RAD21L1: variants seen among roughly 807,000 people sequenced by gnomAD.
RAD21L1 encodes RAD21 cohesin complex component like 1.
Under a neutral mutation model 69.0 loss-of-function variants are expected in RAD21L1, and 47 were observed. The observed-to-expected ratio is 0.68, with a 90% CI of 0.54 to 0.87. The LOEUF is 0.87. RAD21L1 is among the 40% of genes least tolerant of loss of function. The probability of loss-of-function intolerance (pLI) is 0.00; values close to 1 mark genes in which losing one functional copy is unlikely to be tolerated. For missense variants in RAD21L1, 583 were observed against 647.6 expected (o/e 0.90, Z 1.08); for synonymous variants, 177 against 205.8 (o/e 0.86, Z 1.20).
intron 1 of RAD21L1, among the ~76,000 whole-genome samples, chr20:1,226,630 C>A (rs2087268045): frequency 6.6e-6 from 1 of 151,902 alleles, no homozygotes; most frequent in South Asian, 2.1e-4. Context: ...GCTCCCTCCC[C>A]GCCACCGCCG....
At chr20:1,248,249 G>A (rs928320127) in intron 12 of RAD21L1, among the ~76,000 whole-genome samples, 6 of 152,046 alleles carry the variant, frequency 3.9e-5, no homozygotes, top group Admixed American at 1.3e-4. Context: ...ATAGCTGTAT[G>A]TTTACTCCTG....
chr20:1,242,531 C>A, intron 8 of RAD21L1, 88 bp from the exon 9 acceptor site: 1 of 1,044,612 alleles, frequency 9.6e-7, no homozygotes, highest in Non-Finnish European at 1.4e-6. Flanking sequence ...CCGTGCCTGG[C>A]TTAGAAATTT....
chr20:1,231,173 G>A (rs1280205666), intron 3 of RAD21L1, among the ~76,000 whole-genome samples: 2 of 152,190 alleles, frequency 1.3e-5, no homozygotes, highest in African/African-American at 4.8e-5. Context: ...TCTTGAGGTG[G>A]AAAAATGCTT....
chr20:1,252,315 A>C (rs1162747669), intron 13 of RAD21L1, among the ~76,000 whole-genome samples: 1 of 152,122 alleles, frequency 6.6e-6, no homozygotes, highest in Non-Finnish European at 1.5e-5. Flanking sequence ...GGGGTTGTAG[A>C]CTTATGGTCT....
At chr20:1,241,870 GA>G (rs951025780) in intron 8 of RAD21L1, among the ~76,000 whole-genome samples, 1 of 152,178 alleles carries the variant, frequency 6.6e-6, no homozygotes, top group African/African-American at 2.4e-5. Flanking sequence ...CTTTACTAAA[GA>G]AAAGCTTGAC....
rs192767989 is a variant in RAD21L1 at position 1,234,260 on chromosome 20, A to G, written c.475+69A>G. The G allele has an allele frequency of 7.9e-4, 577 of 731,336 alleles. 3 individuals carry two copies. In the African/African-American group the frequency reaches 9.0e-3, roughly 11 times the overall value. The allele number at this position is 731,336 out of a possible 1,614,324, so 45.3% of individuals were successfully genotyped here. A position where few individuals can be genotyped will look rare whatever the true frequency, so the allele number is the denominator to read the frequency against. On this transcript the variant is annotated intron_variant, in intron 5 of 13. Coordinates refer to ENST00000683101, the MANE Select transcript of RAD21L1 (RefSeq NM_001384355.1). ...ATATTTGTATTTGTGTATTGAAATAATGCCAGTAGACGTAGCTATAGAATG... is the reference window on the plus strand; with the variant it reads ...ATATTTGTATTTGTGTATTGAAATAGTGCCAGTAGACGTAGCTATAGAATG...
chr20:1,253,506 A>T (rs1197714995), intron 13 of RAD21L1, among the ~76,000 whole-genome samples: 3 of 152,192 alleles, frequency 2.0e-5, no homozygotes, highest in Non-Finnish European at 2.9e-5. Context: ...CATGTTTGCC[A>T]GACTGGTCTC....
rs1320258222 is a variant in RAD21L1, at chr20:1,242,828, C to G, written c.1066C>G (p.His356Asp). The change falls in exon 9 of 14, where the codon CAT (histidine) becomes GAT (aspartate). Residue 356 changes from histidine (H) to aspartate (D), a missense_variant. Physicochemically the swap from His to Asp is moderately conservative, Grantham distance 81. Transcript: ENST00000683101. ...LLSTAAQDLI[H>D]AELKMLFTKC... ...GTCAACTGCTGCCCAGGATTTGATT[C>G]ATGCTGAACTGAAAATGGTAACGGT... 1.4e-5 allele frequency: 22 copies of G among 1,550,450 alleles called. No homozygotes were observed. The highest frequency in any genetic ancestry group is 1.9e-5 in the Non-Finnish European group (22 of 1,145,956).
chr20:1,244,310 AG>A, intron 11 of RAD21L1, 140 bp downstream of exon 11: 1 of 622,238 alleles, frequency 1.6e-6, no homozygotes, highest in Non-Finnish European at 2.6e-6. Flanking sequence ...TTTAGTAAGT[AG>A]CAGGGTAAAA....
At chr20:1,229,673 TA>T (rs753949513) in intron 2 of RAD21L1, among the ~76,000 whole-genome samples, 5 of 152,356 alleles carry the variant, frequency 3.3e-5, no homozygotes, top group Admixed American at 6.5e-5. Context: ...TAGTATACTT[TA>T]CTTAAATGCC....
intron 3 of RAD21L1, 77 bp downstream of exon 3, chr20:1,230,086 C>T: frequency 2.7e-6 from 3 of 1,105,354 alleles, no homozygotes; most frequent in Non-Finnish European, 3.9e-6. Context: ...TTTTAATATA[C>T]TTCAGGCTAG....
intron 2 of RAD21L1, 57 bp from the exon 3 acceptor site, chr20:1,229,823 G>T: frequency 3.0e-6 from 4 of 1,325,902 alleles, no homozygotes; most frequent in Admixed American, 4.6e-5. Flanking sequence ...AACTTTCAAA[G>T]AATAGGATTT....
At chr20:1,239,665 A>AT (rs2087567350) in intron 7 of RAD21L1, among the ~76,000 whole-genome samples, 1 of 152,212 alleles carries the variant, frequency 6.6e-6, no homozygotes, top group African/African-American at 2.4e-5. Flanking sequence ...TTAAAATAGT[A>AT]TATGGTAAAT....
intron 8 of RAD21L1, among the ~76,000 whole-genome samples, chr20:1,240,920 G>A (rs1012206522): frequency 1.3e-5 from 2 of 152,194 alleles, no homozygotes; most frequent in Admixed American, 1.3e-4. Context: ...CAGTTACGGT[G>A]CTAGAGCTGT....
At chr20:1,228,893 C>T (rs1377031989) in intron 2 of RAD21L1, among the ~76,000 whole-genome samples, 3 of 152,054 alleles carry the variant, frequency 2.0e-5, no homozygotes, top group African/African-American at 7.3e-5. Context: ...ATAGTAAGTA[C>T]TTAATAAGCA....
Position 1,254,268 on chromosome 20 carries a change from G to A in RAD21L1, c.1480-1G>A, listed in dbSNP as rs1400600681. 2 of 1,472,964 alleles carry A rather than the reference G, an allele frequency of 1.4e-6. No homozygotes were observed. The highest frequency in any genetic ancestry group is 2.5e-5 in the East Asian group (1 of 39,382). 91.2% of individuals were successfully genotyped at this position (1,472,964 alleles called of 1,614,324 possible). Reference sequence around the variant, plus strand: ...TTTTTCTTTTCTAATTATTTTCCCAGGAATCTAACAAGATGGGAATGCAGT... The same window carrying A: ...TTTTTCTTTTCTAATTATTTTCCCAAGAATCTAACAAGATGGGAATGCAGT... On this transcript the variant is annotated splice_acceptor_variant, in intron 13 of 13. Coordinates refer to ENST00000683101, the MANE Select transcript of RAD21L1 (RefSeq NM_001384355.1). LOFTEE classifies it high-confidence loss of function.
chr20:1,229,484 C>T (rs1428310814), intron 2 of RAD21L1, among the ~76,000 whole-genome samples: 1 of 152,150 alleles, frequency 6.6e-6, no homozygotes, highest in Non-Finnish European at 1.5e-5. Context: ...CACTGCACTC[C>T]AGCCTGGGTG....
intron 13 of RAD21L1, among the ~76,000 whole-genome samples, chr20:1,249,430 C>T (rs78448673): frequency 0.061 from 9,233 of 152,186 alleles, 385 homozygotes; most frequent in South Asian, 0.1. Context: ...TTAAAAAAGA[C>T]AGAAGTTTAT....
intron 8 of RAD21L1, 101 bp from the exon 9 acceptor site, chr20:1,242,518 C>T (rs2087627765): frequency 4.5e-6 from 4 of 888,642 alleles, no homozygotes; most frequent in African/African-American, 1.7e-5. Context: ...CAGGCATGAG[C>T]CACCGTGCCT....
Sources: gnomAD v4.1 joint callset for allele counts (sites outside exome capture counted in the v4.1 genomes callset) on GRCh38, gnomAD v4.1.1 for gene constraint, MANE v1.5 for transcripts, NCBI Gene and HGNC (gene_info 2026-07-23, HGNC 2026-07-21) for gene names.